The following NOS2 variants were observed in gnomAD, a reference collection of about 807,000 sequenced individuals.
NOS2 encodes the protein nitric oxide synthase 2, also known as nitric oxide synthase, inducible.
Under a neutral mutation model 136.0 loss-of-function variants are expected in NOS2, and 96 were observed. That is an observed-to-expected ratio of 0.71 (90% CI 0.60 to 0.84). NOS2 has a LOEUF of 0.84. NOS2 is among the 40% of genes least tolerant of loss of function. NOS2 has a pLI of 0.00. For synonymous variants in NOS2, 539 were observed against 587.5 expected, an observed-to-expected ratio of 0.92 and a Z score of 1.20; for missense variants, 1,237 against 1,496.9, an observed-to-expected ratio of 0.83 and a Z score of 2.87.
intron 2 of NOS2, 24 bp downstream of exon 2, chr17:27,798,676 G>A: frequency 6.8e-7 from 1 of 1,463,276 alleles, no homozygotes; most frequent in Non-Finnish European, 9.6e-7. Context: ...AGACAAGCAG[G>A]AGGTTCCCCC....
intron 12 of NOS2, among the ~76,000 whole-genome samples, chr17:27,773,619 A>G (rs879643407): frequency 1.3e-5 from 2 of 152,154 alleles, no homozygotes; most frequent in Non-Finnish European, 2.9e-5. Context: ...TACAACAGGC[A>G]AGACTCCAGG....
chr17:27,781,359 C>A (rs28999371), intron 7 of NOS2, among the ~76,000 whole-genome samples, 182 bp from the exon 8 acceptor site: 4 of 152,218 alleles, frequency 2.6e-5, no homozygotes, highest in African/African-American at 7.2e-5. Flanking sequence ...GGTCCACCCC[C>A]TCAAGGGGGC....
chr17:27,791,234 G>A (rs566100702), intron 2 of NOS2, among the ~76,000 whole-genome samples: 1 of 152,288 alleles, frequency 6.6e-6, no homozygotes, highest in Non-Finnish European at 1.5e-5. Context: ...GGCCTTCCAT[G>A]TGACCAACCA....
At chr17:27,787,553 A>C in intron 5 of NOS2, 125 bp downstream of exon 5, 1 of 778,900 alleles carries the variant, frequency 1.3e-6, no homozygotes, top group Non-Finnish European at 2.0e-6. Context: ...CTGCAAAATC[A>C]TAGTGATTTA....
At chr17:27,784,170 C>CAA (rs1567640942) in intron 5 of NOS2, among the ~76,000 whole-genome samples, 79 of 151,046 alleles carry the variant, frequency 5.2e-4, no homozygotes, top group African/African-American at 1.9e-3. Context: ...ACTACCACCA[C>CAA]CACCAACAAC....
rs372804128 is a variant in NOS2 at position 27,775,739 on chromosome 17, G to T, written c.1282-1288C>A. Among the ~76,000 whole-genome samples the T allele has an allele frequency of 8.5e-5, 13 of 152,298 alleles. No individual in the cohort carries two copies. In the East Asian group the frequency reaches 2.5e-3, roughly 29 times the overall value. On this transcript the variant is annotated intron_variant, in intron 11 of 26. Coordinates refer to ENST00000313735, the MANE Select transcript of NOS2 (RefSeq NM_000625.4). ...GTCAAGGCTGCAGTGAGCCATGATT[G>T]GGCCACTGCACTCCAGTCTGGGTGA...
chr17:27,778,173 T>A (rs1440183454), intron 11 of NOS2, among the ~76,000 whole-genome samples: 1 of 151,908 alleles, frequency 6.6e-6, no homozygotes, highest in African/African-American at 2.4e-5. Flanking sequence ...GGTGAGGGCG[T>A]CATTTTACAT....
At chr17:27,798,584 G>C (rs1909429547) in intron 2 of NOS2, 116 bp downstream of exon 2, 1 of 695,916 alleles carries the variant, frequency 1.4e-6, no homozygotes, top group Admixed American at 2.3e-5. Flanking sequence ...AAGCAATGAG[G>C]AGATCAGACC....
intron 26 of NOS2, 129 bp from the exon 27 acceptor site, chr17:27,757,482 C>A (rs1026731670): frequency 2.6e-5 from 20 of 757,484 alleles, no homozygotes; most frequent in Non-Finnish European, 3.9e-5. Context: ...TTAGATTGTG[C>A]TTGAATCTGG....
intron 5 of NOS2, among the ~76,000 whole-genome samples, chr17:27,784,690 C>T (rs1263269850): frequency 2.0e-5 from 3 of 152,166 alleles, no homozygotes; most frequent in African/African-American, 7.2e-5. Flanking sequence ...AAAGGAGTGG[C>T]TTTCATCATC....
chr17:27,800,090 T>A (rs1460571618), intron 1 of NOS2, among the ~76,000 whole-genome samples: 1 of 152,172 alleles, frequency 6.6e-6, no homozygotes, highest in Non-Finnish European at 1.5e-5. Flanking sequence ...AGATACAAAC[T>A]CCCATTTTGA....
intron 2 of NOS2, among the ~76,000 whole-genome samples, chr17:27,797,506 TC>T (rs1209892265): frequency 2.6e-5 from 4 of 152,226 alleles, no homozygotes; most frequent in African/African-American, 9.6e-5. Context: ...CACTTGCTCA[TC>T]CCCAAGCCCA....
At chr17:27,761,739 T>C (rs1191523408) in intron 22 of NOS2, among the ~76,000 whole-genome samples, 8 of 152,286 alleles carry the variant, frequency 5.3e-5, no homozygotes, top group Non-Finnish European at 1.2e-4. Flanking sequence ...TCTGGCACCT[T>C]GCTTTCCTCC....
rs201643873 is a variant in NOS2, at chr17:27,758,996, T to C, written c.3239A>G (p.Tyr1080Cys). ...GGCCATGCGCACATCCCCGCAAACA[T>C]AGAGGTGGCCTGGCTCCTTGTGGAG... ...RVLHKEPGHL[Y>C]VCGDVRMARD... Residue 1080 changes from tyrosine (Y) to cysteine (C), a missense_variant, in exon 26 of 27, where the codon TAT (tyrosine) becomes TGT (cysteine). Physicochemically the swap from Tyr to Cys is radical, Grantham distance 194. Around this residue, in one of 3 missense-constraint regions of NOS2, gnomAD observed 782 missense variants for 909.9 expected, o/e 0.86. Transcript: ENST00000313735. The C allele has an allele frequency of 3.1e-6, 5 of 1,613,016 alleles. No homozygotes were observed. Among genetic ancestry groups the C allele is most frequent in the Non-Finnish European group, 4.2e-6 (5 of 1,179,638 alleles).
At position 27,761,136 on chromosome 17, in the gene NOS2, G is replaced by T. The variant is rs748374061; in HGVS notation, c.2888+8C>A. The T allele has an allele frequency of 1.3e-6, 2 of 1,580,892 alleles. No individual in the cohort carries two copies. The highest frequency in any genetic ancestry group is 8.6e-7 in the Non-Finnish European group (1 of 1,163,322). ...CCCCACAGGGGACAGAGTGGAAGGG[G>T]TGCTTACTTCCGCACAAAGCAGGGC... On this transcript the variant is annotated splice_region_variant and intron_variant, in intron 23 of 26. Coordinates refer to ENST00000313735, the MANE Select transcript of NOS2 (RefSeq NM_000625.4).
In NOS2 at chr17:27,789,027, C is replaced by T; in HGVS notation, c.196-96G>A. 2.0e-6 allele frequency: 3 copies of T among 1,488,976 alleles called. No individual in the cohort carries two copies. The South Asian group carries it at 3.9e-5, about 20-fold the overall frequency. The allele number at this position is 1,488,976 out of a possible 1,614,324, so 92.2% of individuals were successfully genotyped here. ...GGGGAAGGATCTATGGGTGGCCACA[C>T]AGGGCAGGGTGTCCCTCCACGTCCC... On this transcript the variant is annotated intron_variant, in intron 3 of 26. Coordinates refer to ENST00000313735, the MANE Select transcript of NOS2 (RefSeq NM_000625.4).
chr17:27,799,450 T>A (rs1447147389), intron 1 of NOS2, among the ~76,000 whole-genome samples: 1 of 152,166 alleles, frequency 6.6e-6, no homozygotes, highest in Admixed American at 6.5e-5. Flanking sequence ...AATGCACTCA[T>A]CCCTCGAAAT....
rs776698472 is a variant in NOS2, at chr17:27,773,223, A to G, written c.1497T>C (p.His499=). 22 of 1,614,084 alleles carry G rather than the reference A, an allele frequency of 1.4e-5. No homozygotes were observed. The highest frequency in any genetic ancestry group is 1.7e-5 in the Non-Finnish European group (20 of 1,179,954). ...YYYQVEAWKT[H]VWQDEKRRPK... is the part of the protein sequence containing the mutation. ...GTCTCCGCTTCTCGTCCTGCCAGACATGGGTTTTCCAGGCCTCTACCTTCA... is the reference window on the plus strand; with the variant it reads ...GTCTCCGCTTCTCGTCCTGCCAGACGTGGGTTTTCCAGGCCTCTACCTTCA... The change falls in exon 13 of 27, where the codon CAT becomes CAC. Residue 499 remains histidine, a synonymous_variant. Transcript: ENST00000313735.
chr17:27,786,161 G>T (rs188124588), intron 5 of NOS2, among the ~76,000 whole-genome samples: 1 of 151,040 alleles, frequency 6.6e-6, no homozygotes, highest in African/African-American at 2.4e-5. Flanking sequence ...GGTGGCTCAC[G>T]CCTGTAATCC....
Sources: gnomAD v4.1 joint callset for allele counts (sites outside exome capture counted in the v4.1 genomes callset) on GRCh38, gnomAD v4.1.1 for gene constraint, gnomAD v4.1.1 regional missense constraint, MANE v1.5 for transcripts, NCBI Gene and HGNC (gene_info 2026-07-23, HGNC 2026-07-21) for gene names.